THOP1: variants seen among roughly 807,000 people sequenced by gnomAD.
THOP1 encodes the protein thimet oligopeptidase 1, also known as thimet oligopeptidase.
THOP1 carries 49 observed loss-of-function variants against 71.8 expected under a neutral mutation model. The ratio of observed to expected loss-of-function variants is 0.68; its 90% CI spans 0.54 to 0.87. THOP1 has a LOEUF of 0.87. Ranked by LOEUF, THOP1 falls within the 40% of genes least tolerant of loss-of-function variation. The probability of loss-of-function intolerance (pLI) is 0.00; values close to 1 mark genes in which losing one functional copy is unlikely to be tolerated. For synonymous variants in THOP1, 426 were observed against 421.5 expected, an observed-to-expected ratio of 1.01 and a Z score of -0.13; for missense variants, 843 against 975.6, an observed-to-expected ratio of 0.86 and a Z score of 1.81.
Position 2,804,893 on chromosome 19 carries a change from GCTC to G in THOP1, c.590-122_590-120del. Reference sequence around the variant, plus strand: ...AGCGGGTGGTGGCCAGGCTGCAGCTGCTCGCTGAGGGCCCCCTTGTAGCTTTCC... The same window carrying G: ...AGCGGGTGGTGGCCAGGCTGCAGCTGGCTGAGGGCCCCCTTGTAGCTTTCC... On this transcript the variant is annotated intron_variant, in intron 5 of 12. Transcript: ENST00000307741. This position sits in a 1 kb window ranked among gnomAD's most constrained non-coding sequence, Gnocchi z 4.7. The G allele has an allele frequency of 1.0e-6, 1 of 969,460 alleles. No homozygotes were observed. Among genetic ancestry groups the G allele is most frequent in the Non-Finnish European group, 1.5e-6 (1 of 676,850 alleles). 60.1% of individuals were successfully genotyped at this position (969,460 alleles called of 1,614,324 possible).
chr19:2,813,200 A>C lies in THOP1; in HGVS notation c.1994A>C (p.Asp665Ala). 1 of 1,612,374 alleles carries C rather than the reference A, an allele frequency of 6.2e-7. No homozygotes were observed. The highest frequency in any genetic ancestry group is 8.5e-7 in the Non-Finnish European group (1 of 1,179,770). ...SAMLRRFLGRDPKQDAFLLSK... is the reference protein window; with the variant it reads ...SAMLRRFLGRAPKQDAFLLSK... ...ATGCTGAGGCGCTTCCTGGGCCGTGACCCCAAGCAGGACGCCTTCCTCCTG... is the reference window on the plus strand; with the variant it reads ...ATGCTGAGGCGCTTCCTGGGCCGTGCCCCCAAGCAGGACGCCTTCCTCCTG... The change falls in exon 13 of 13, where the codon GAC (aspartate) becomes GCC (alanine). Residue 665 changes from aspartate (D) to alanine (A), a missense_variant. By Grantham distance (126) the Asp-to-Ala change is moderately radical. Coordinates refer to ENST00000307741, the MANE Select transcript of THOP1 (RefSeq NM_003249.5).
In THOP1 at chr19:2,785,580, G is replaced by A; in HGVS notation, c.-83G>A. 6.9e-7 allele frequency: 1 copy of A among 1,451,226 alleles called. No homozygotes were observed. The highest frequency in any genetic ancestry group is 1.3e-5 in the South Asian group (1 of 74,718). 89.9% of individuals were successfully genotyped at this position (1,451,226 alleles called of 1,614,324 possible). A position where few individuals can be genotyped will look rare whatever the true frequency, so the allele number is the denominator to read the frequency against. On this transcript the variant is annotated 5_prime_UTR_variant, in exon 1 of 13. Transcript: ENST00000307741. ...GCGGCGGTGGCGGCGGTTGGGCCGA[G>A]GCAGGCGGCCTCAGTGGCCGAGGTG...
At chr19:2,807,292 A>G in intron 7 of THOP1, 150 bp from the exon 8 acceptor site, 1 of 1,326,964 alleles carries the variant, frequency 7.5e-7, no homozygotes. Context: ...CCTGAGCGTG[A>G]GGATGCTCGG....
At chr19:2,786,636 G>A (rs1446749546) in intron 1 of THOP1, among the ~76,000 whole-genome samples, 23 of 152,036 alleles carry the variant, frequency 1.5e-4, no homozygotes, top group Admixed American at 1.5e-3. Context: ...GTGTCTCCCA[G>A]GCTGGGGTGT....
intron 1 of THOP1, among the ~76,000 whole-genome samples, chr19:2,788,849 C>T (rs900815831): frequency 6.6e-6 from 1 of 152,146 alleles, no homozygotes; most frequent in Non-Finnish European, 1.5e-5. Context: ...CAACCTCTGG[C>T]TCCTGGGTTC....
chr19:2,793,378 G>A (rs772343254), intron 2 of THOP1, among the ~76,000 whole-genome samples: 2 of 152,072 alleles, frequency 1.3e-5, no homozygotes, highest in Admixed American at 6.6e-5. Flanking sequence ...GGATGGGCCT[G>A]TCCTGGATAT....
rs1325602777 is a variant in THOP1 at position 2,806,944 on chromosome 19, G to C, written c.778G>C (p.Val260Leu). 2 of 1,613,138 alleles carry C rather than the reference G, an allele frequency of 1.2e-6. No individual in the cohort carries two copies. Among genetic ancestry groups the C allele is most frequent in the Non-Finnish European group, 1.7e-6 (2 of 1,179,830 alleles). ...GAACTGCGCTATCCTCAAGGAGCTG[G>C]TGACGCTGCGGGCCCAGAAGTCCCG... is the stretch of plus-strand genomic sequence containing the variant. ...EENCAILKEL[V>L]TLRAQKSRLL... The change falls in exon 7 of 13, where the codon GTG becomes CTG. Residue 260 changes from valine to leucine, a missense_variant. Transcript: ENST00000307741.
chr19:2,799,650 C>A, intron 4 of THOP1, 39 bp from the exon 5 acceptor site: 1 of 1,553,466 alleles, frequency 6.4e-7, no homozygotes, highest in Non-Finnish European at 8.9e-7. Context: ...GAGCCCGCCC[C>A]GGTCTCTCCC....
intron 8 of THOP1, 185 bp from the exon 9 acceptor site, chr19:2,808,058 A>G: frequency 1.3e-6 from 1 of 781,660 alleles, no homozygotes; most frequent in Non-Finnish European, 2.0e-6. Flanking sequence ...GAGGGATGGC[A>G]GCCGGGGCCT....
intron 5 of THOP1, among the ~76,000 whole-genome samples, chr19:2,802,072 C>T (rs538660902): frequency 2.0e-4 from 31 of 151,322 alleles, no homozygotes; most frequent in African/African-American, 4.1e-4. Context: ...TGCCATCTCC[C>T]GATACCCACA....
chr19:2,790,060 G>A (rs1001941851), intron 1 of THOP1: 2 of 175,056 alleles, frequency 1.1e-5, no homozygotes, highest in Non-Finnish European at 2.4e-5. Flanking sequence ...GCCGGGCAGG[G>A]GGATTTTTAA....
rs142167630 is a variant in THOP1, at chr19:2,808,420, C to A, written c.1431C>A (p.His477Gln). 6.2e-7 allele frequency: 1 copy of A among 1,608,206 alleles called. No homozygotes were observed. Among genetic ancestry groups the A allele is most frequent in the Non-Finnish European group, 8.5e-7 (1 of 1,176,514 alleles). ...AGACCTACTTCCATGAGTTTGGCCA[C>A]GTGATGCACCAGCTCTGCTCCCAGG... is the stretch of plus-strand genomic sequence containing the variant. ...EVETYFHEFG[H>Q]VMHQLCSQAE... Residue 477 changes from histidine (H) to glutamine (Q), a missense_variant, in exon 9 of 13, where the codon CAC (histidine) becomes CAA (glutamine). Physicochemically the swap from His to Gln is conservative, Grantham distance 24. Transcript: ENST00000307741.
chr19:2,812,496 T>G, intron 12 of THOP1: 1 of 1,183,560 alleles, frequency 8.4e-7, no homozygotes, highest in Non-Finnish European at 1.1e-6. Context: ...ACCTCCCCCC[T>G]CCTGAGGCAG....
rs1342884181 is a variant in THOP1 at position 2,813,431 on chromosome 19, G to C, written c.*155G>C. 4 of 982,934 alleles carry C rather than the reference G, an allele frequency of 4.1e-6. No homozygotes were observed. Among genetic ancestry groups the C allele is most frequent in the Middle Eastern group, 3.4e-4 (1 of 2,948 alleles). 60.9% of individuals were successfully genotyped at this position (982,934 alleles called of 1,614,324 possible). ...CTCTTGTCATTGTCTGTCCCCACCC[G>C]GTCGTGGCCCACCCGGCTAGAGACG... On this transcript the variant is annotated 3_prime_UTR_variant, in exon 13 of 13. Coordinates refer to ENST00000307741, the MANE Select transcript of THOP1 (RefSeq NM_003249.5).
At chr19:2,788,778 CA>C (rs1193731478) in intron 1 of THOP1, among the ~76,000 whole-genome samples, 1 of 152,094 alleles carries the variant, frequency 6.6e-6, no homozygotes, top group Non-Finnish European at 1.5e-5. Context: ...AGCATCCGGC[CA>C]AGATGGAGTC....
intron 4 of THOP1, 84 bp from the exon 5 acceptor site, chr19:2,799,605 G>T: frequency 8.9e-7 from 1 of 1,117,388 alleles, no homozygotes; most frequent in East Asian, 2.4e-5. Context: ...CTCAGCCCTC[G>T]GCGAGAGGGT....
Position 2,813,196 on chromosome 19 carries a change from C to T in THOP1, c.1990C>T (p.Arg664Cys). The stretch of plus-strand genomic sequence containing the variant: ...CGCCATGCTGAGGCGCTTCCTGGGC[C>T]GTGACCCCAAGCAGGACGCCTTCCT... ...ASAMLRRFLG[R>C]DPKQDAFLLS... Residue 664 changes from arginine (R) to cysteine (C), a missense_variant, in exon 13 of 13, where the codon CGT becomes TGT. By Grantham distance (180) the Arg-to-Cys change is radical. Coordinates refer to ENST00000307741, the MANE Select transcript of THOP1 (RefSeq NM_003249.5). 2 of 1,612,506 alleles carry T rather than the reference C, an allele frequency of 1.2e-6. No homozygotes were observed. The highest frequency in any genetic ancestry group is 1.7e-6 in the Non-Finnish European group (2 of 1,179,792).
intron 1 of THOP1, among the ~76,000 whole-genome samples, chr19:2,786,692 C>T (rs191551690): frequency 2.2e-4 from 33 of 151,948 alleles, no homozygotes; most frequent in African/African-American, 8.0e-4. Context: ...ACCTCCGCCT[C>T]CCGGGTTCAA....
chr19:2,808,457 CCGGG>C lies in THOP1; in HGVS notation c.1455+15_1455+18del. On this transcript the variant is annotated intron_variant, in intron 9 of 12. Transcript: ENST00000307741. ...GCTCTGCTCCCAGGTGGGTGCGGGC[CCGGG>C]CAGGGGCAGGGGCAGGGGCAGGGGC... The C allele has an allele frequency of 1.9e-6, 3 of 1,586,632 alleles. No individual in the cohort carries two copies. In the South Asian group the frequency reaches 3.4e-5, roughly 18 times the overall value.
Sources: gnomAD v4.1 joint callset for allele counts (sites outside exome capture counted in the v4.1 genomes callset) on GRCh38, gnomAD v4.1.1 for gene constraint, Gnocchi (gnomAD v3.1) non-coding constraint, MANE v1.5 for transcripts, NCBI Gene and HGNC (gene_info 2026-07-23, HGNC 2026-07-21) for gene names.